Variants in CTNND2 observed in about 807,000 individuals in gnomAD.
CTNND2 encodes catenin delta-2.
Under a neutral mutation model 144.4 loss-of-function variants are expected in CTNND2, and 22 were observed. The ratio of observed to expected loss-of-function variants is 0.15; its 90% CI spans 0.11 to 0.22. The LOEUF (loss-of-function observed/expected upper bound fraction) is 0.22, where lower values mean the gene tolerates loss of function less well. Ranked by LOEUF, CTNND2 falls within the 10% of genes least tolerant of loss-of-function variation. The pLI is 1.00. For synonymous variants in CTNND2, 751 were observed against 695.6 expected (o/e 1.08, Z -1.25); for missense variants, 1,353 against 1,618.8 (o/e 0.84, Z 2.82).
chr5:11,607,250 A>C (rs1780098793), intron 2 of CTNND2, among the ~76,000 whole-genome samples: 1 of 152,180 alleles, frequency 6.6e-6, no homozygotes, highest in African/African-American at 2.4e-5. Context: ...TCTGTTGTTG[A>C]AGCCACTTGG....
chr5:11,513,948 T>C (rs1175152094), intron 3 of CTNND2, among the ~76,000 whole-genome samples: 2 of 152,144 alleles, frequency 1.3e-5, no homozygotes, highest in Non-Finnish European at 2.9e-5. Flanking sequence ...TTTCTATATA[T>C]TTATAATTTT....
intron 16 of CTNND2, among the ~76,000 whole-genome samples, chr5:11,075,139 G>T (rs1449398902): frequency 9.2e-5 from 14 of 152,280 alleles, no homozygotes; most frequent in Middle Eastern, 3.4e-3. Flanking sequence ...CTACACAGGG[G>T]GGCGCTGTGT....
chr5:11,136,893 G>C (rs1756207277), intron 12 of CTNND2, among the ~76,000 whole-genome samples: 1 of 152,176 alleles, frequency 6.6e-6, no homozygotes, highest in South Asian at 2.1e-4. Context: ...CTTTTCCTTA[G>C]GAGGGCTTTC....
intron 2 of CTNND2, among the ~76,000 whole-genome samples, chr5:11,659,339 C>A (rs1378913594): frequency 6.6e-6 from 1 of 152,086 alleles, no homozygotes; most frequent in African/African-American, 2.4e-5. Context: ...ATCTGCAGGT[C>A]CTGGAACCAA....
intron 9 of CTNND2, among the ~76,000 whole-genome samples, chr5:11,266,436 G>A (rs968512605): frequency 6.6e-6 from 1 of 152,204 alleles, no homozygotes; most frequent in African/African-American, 2.4e-5. Context: ...ACTCTCTGCT[G>A]TAATAAGTGC....
intron 2 of CTNND2, among the ~76,000 whole-genome samples, chr5:11,641,274 T>C (rs1166651177): frequency 6.6e-6 from 1 of 152,138 alleles, no homozygotes; most frequent in Non-Finnish European, 1.5e-5. Flanking sequence ...TCAGACATTC[T>C]GCTTTAAAGT....
chr5:11,699,111 A>C (rs1362733849), intron 2 of CTNND2, among the ~76,000 whole-genome samples: 2 of 152,106 alleles, frequency 1.3e-5, no homozygotes, highest in African/African-American at 4.8e-5. Context: ...TACTTTAAAA[A>C]AAGTGTCACT....
At chr5:11,398,749 GA>G (rs1228642907) in intron 5 of CTNND2, among the ~76,000 whole-genome samples, 4 of 152,060 alleles carry the variant, frequency 2.6e-5, no homozygotes, top group Non-Finnish European at 4.4e-5. Context: ...CAATAGCCTG[GA>G]AAAAAAATCA....
intron 10 of CTNND2, among the ~76,000 whole-genome samples, chr5:11,221,533 C>T (rs1005255443): frequency 6.6e-5 from 10 of 152,144 alleles, no homozygotes; most frequent in Non-Finnish European, 7.4e-5. Context: ...ATTAATGAAA[C>T]AGAGATTGCA....
At chr5:11,561,093 A>T (rs1776648550) in intron 3 of CTNND2, among the ~76,000 whole-genome samples, 3 of 152,204 alleles carry the variant, frequency 2.0e-5, no homozygotes, top group Non-Finnish European at 2.9e-5. Context: ...CTACAGCCTC[A>T]GGAATGGGCC....
intron 1 of CTNND2, among the ~76,000 whole-genome samples, chr5:11,880,400 T>C (rs532121840): frequency 4.1e-4 from 62 of 151,886 alleles, no homozygotes; most frequent in Non-Finnish European, 6.6e-4. Flanking sequence ...TTTAAAGAGT[T>C]AATAAGTCAA....
intron 2 of CTNND2, among the ~76,000 whole-genome samples, chr5:11,638,243 G>A (rs1041948633): frequency 1.3e-5 from 2 of 151,880 alleles, no homozygotes; most frequent in African/African-American, 4.8e-5. Context: ...CAAACATTCC[G>A]CCCATGGTTC....
intron 2 of CTNND2, among the ~76,000 whole-genome samples, chr5:11,592,186 TCCTG>T (rs980420597): frequency 2.0e-5 from 3 of 150,446 alleles, no homozygotes; most frequent in East Asian, 2.0e-4. Flanking sequence ...CTGCCTGCCT[TCCTG>T]CCTGCCTGCC....
chr5:11,331,613 G>A (rs1561230987), intron 9 of CTNND2, among the ~76,000 whole-genome samples: 1 of 152,086 alleles, frequency 6.6e-6, no homozygotes, highest in Admixed American at 6.6e-5. Flanking sequence ...AAAGTTTTCA[G>A]GGTCCAGAAC....
chr5:11,155,090 C>G (rs371093518), intron 12 of CTNND2, among the ~76,000 whole-genome samples: 15 of 152,226 alleles, frequency 9.9e-5, no homozygotes, highest in African/African-American at 3.6e-4. Flanking sequence ...ATTCAACACA[C>G]CGCAGTGACT....
intron 7 of CTNND2, among the ~76,000 whole-genome samples, chr5:11,372,494 A>G (rs1296175011): frequency 6.6e-6 from 1 of 152,096 alleles, no homozygotes; most frequent in Non-Finnish European, 1.5e-5. Flanking sequence ...AAATGGATGG[A>G]GTGTAATACC....
Position 10,988,367 on chromosome 5 carries a change from G to A in CTNND2, c.3212-125C>T. 2.5e-6 allele frequency: 3 copies of A among 1,197,726 alleles called. No individual in the cohort carries two copies. Among genetic ancestry groups the A allele is most frequent in the Non-Finnish European group, 3.5e-6 (3 of 859,962 alleles). 74.2% of individuals were successfully genotyped at this position (1,197,726 alleles called of 1,614,324 possible). On this transcript the variant is annotated intron_variant, in intron 19 of 21. Transcript: ENST00000304623. The surrounding 1 kb of genome is among the most constrained non-coding windows in gnomAD (Gnocchi z 5.9). ...CAATGCCTACGTGAGGACCTGATGG[G>A]TTTTCTTTTTAATTTTTATTTTTTG...
At chr5:11,095,047 A>G (rs1228071230) in intron 15 of CTNND2, among the ~76,000 whole-genome samples, 1 of 152,236 alleles carries the variant, frequency 6.6e-6, no homozygotes, top group Non-Finnish European at 1.5e-5. Context: ...AATAATTATC[A>G]TACTTCTTCC....
chr5:11,562,346 T>C (rs577762812), intron 3 of CTNND2, among the ~76,000 whole-genome samples: 26 of 152,340 alleles, frequency 1.7e-4, no homozygotes, highest in African/African-American at 6.3e-4. Context: ...ATGTGCTAAC[T>C]AGGTTAGTCT....
Sources: gnomAD v4.1 joint callset for allele counts (sites outside exome capture counted in the v4.1 genomes callset) on GRCh38, gnomAD v4.1.1 for gene constraint, Gnocchi (gnomAD v3.1) non-coding constraint, MANE v1.5 for transcripts, NCBI Gene and HGNC (gene_info 2026-07-23, HGNC 2026-07-21) for gene names.